CDH23: variants seen among roughly 807,000 people sequenced by gnomAD.
CDH23 encodes the protein cadherin-23.
In CDH23, 189 loss-of-function variants were observed where a neutral mutation model predicts 317.1. The observed-to-expected ratio is 0.60, with a 90% confidence interval of 0.53 to 0.67. The LOEUF (loss-of-function observed/expected upper bound fraction) is 0.67. CDH23 is among the 30% of genes least tolerant of loss of function. CDH23 has a pLI of 0.00. For missense variants in CDH23, 4,401 were observed against 4,592.4 expected, an observed-to-expected ratio of 0.96 and a Z score of 1.20; for synonymous variants, 1,839 against 1,876.8, an observed-to-expected ratio of 0.98 and a Z score of 0.52.
Position 71,800,722 on chromosome 10 carries a change from T to C in CDH23, c.7449T>C (p.Asp2483=), listed in dbSNP as rs745897380. 2 of 1,613,980 alleles carry C rather than the reference T, an allele frequency of 1.2e-6. No individual in the cohort carries two copies. Among genetic ancestry groups the C allele is most frequent in the East Asian group, 2.2e-5 (1 of 44,882 alleles). Residue 2483 remains aspartate, a synonymous_variant, in exon 53 of 70, where the codon GAT becomes GAC. Transcript: ENST00000224721. The part of the protein sequence containing the change: ...LTALAKDNPG[D]VASNRRENSV... ...CCTTGGCCAAAGACAACCCTGGGGATGTAGCCAGCAACCGTCGCGAAAATT... is the reference window on the plus strand; with the variant it reads ...CCTTGGCCAAAGACAACCCTGGGGACGTAGCCAGCAACCGTCGCGAAAATT...
chr10:71,605,202 A>G (rs1860459661), intron 9 of CDH23, among the ~76,000 whole-genome samples: 2 of 152,142 alleles, frequency 1.3e-5, no homozygotes, highest in South Asian at 4.1e-4. Context: ...AGGAAGTTGT[A>G]GAACTTTGGG....
At chr10:71,775,213 C>T (rs1486197780) in intron 38 of CDH23, among the ~76,000 whole-genome samples, 1 of 152,142 alleles carries the variant, frequency 6.6e-6, no homozygotes, top group Non-Finnish European at 1.5e-5. Context: ...CCCTTCTCAC[C>T]CTGACATCCT....
At position 71,806,222 on chromosome 10, in the gene CDH23, C is replaced by T. The variant is rs781575850; in HGVS notation, c.8119C>T (p.Pro2707Ser). The T allele has an allele frequency of 2.5e-6, 4 of 1,579,320 alleles. No homozygotes were observed. In the African/African-American group the frequency reaches 5.4e-5, roughly 21 times the overall value. The change falls in exon 57 of 70, where the codon CCG (proline) becomes TCG (serine). Residue 2707 changes from proline (P) to serine (S), a missense_variant. Physicochemically the swap from Pro to Ser is moderately conservative, Grantham distance 74 (BLOSUM62 -1). Transcript: ENST00000224721. ...GQPVPYETMQ[P>S]LQVALEDIDD... ...GCCAGTGCCATACGAGACTATGCAG[C>T]CGCTGCAGGTGGCCCTGGAGGACAT...
chr10:71,417,966 A>G (rs543041089), intron 1 of CDH23, among the ~76,000 whole-genome samples: 2 of 152,358 alleles, frequency 1.3e-5, no homozygotes, highest in Non-Finnish European at 2.9e-5. Flanking sequence ...CTTCAACTGT[A>G]TCTAATTCAC....
intron 3 of CDH23, among the ~76,000 whole-genome samples, chr10:71,500,704 G>C (rs1853243020): frequency 6.6e-6 from 1 of 152,148 alleles, no homozygotes; most frequent in Non-Finnish European, 1.5e-5. Flanking sequence ...AGAAAGACTT[G>C]GGTTGGACTC....
At position 71,677,523 on chromosome 10, in the gene CDH23, C is replaced by A. The variant is rs774145890; in HGVS notation, c.1582C>A (p.Arg528Ser). 5 of 1,612,180 alleles carry A rather than the reference C, an allele frequency of 3.1e-6. No homozygotes were observed. Among genetic ancestry groups the A allele is most frequent in the Admixed American group, 3.3e-5 (2 of 59,784 alleles). The change falls in exon 16 of 70, where the codon CGC (arginine) becomes AGC (serine). Residue 528 changes from arginine (R) to serine (S), a missense_variant. Arg to Ser is a moderately radical substitution (Grantham distance 110, BLOSUM62 -1). Transcript: ENST00000224721. ...CAGGCTGGACTATGAGCTCATCCAG[C>A]GCTTCACCCTGACGATCATTGCCCG... ...IARLDYELIQRFTLTIIARDG... is the reference protein window; with the variant it reads ...IARLDYELIQSFTLTIIARDG...
chr10:71,787,319 A>ATTTT (rs34939679), intron 44 of CDH23, among the ~76,000 whole-genome samples: 5 of 126,386 alleles, frequency 4.0e-5, no homozygotes, highest in Admixed American at 8.0e-5. Context: ...CGCTTTTCAG[A>ATTTT]TTTTTTTTTT....
intron 1 of CDH23, among the ~76,000 whole-genome samples, chr10:71,438,211 C>T (rs1417084692): frequency 3.0e-5 from 4 of 134,140 alleles, no homozygotes; most frequent in Non-Finnish European, 3.2e-5. Context: ...AGCGTGGTGG[C>T]ACGCACCTGT....
intron 1 of CDH23, among the ~76,000 whole-genome samples, chr10:71,418,009 A>G (rs1056891689): frequency 2.1e-4 from 32 of 152,192 alleles, no homozygotes; most frequent in African/African-American, 7.2e-4. Context: ...CCTGATTCTA[A>G]TTATTATATT....
intron 44 of CDH23, among the ~76,000 whole-genome samples, chr10:71,787,018 T>C (rs1445690408): frequency 6.6e-6 from 1 of 152,176 alleles, no homozygotes; most frequent in African/African-American, 2.4e-5. Flanking sequence ...GTGGTGACAG[T>C]GCACAGGGGT....
chr10:71,800,014 A>G (rs962773385), intron 52 of CDH23, among the ~76,000 whole-genome samples: 1 of 152,248 alleles, frequency 6.6e-6, no homozygotes, highest in Admixed American at 6.5e-5. Flanking sequence ...CCTACTGTAT[A>G]CATGGCCCTA....
At chr10:71,461,743 C>T (rs910191673) in intron 3 of CDH23, among the ~76,000 whole-genome samples, 33 of 152,364 alleles carry the variant, frequency 2.2e-4, no homozygotes, top group Middle Eastern at 6.8e-3. Flanking sequence ...AGGCCACCCT[C>T]ACCCCCACTT....
At chr10:71,510,048 AT>A (rs1205286848) in intron 3 of CDH23, 33 bp from the exon 4 acceptor site, 1 of 1,613,634 alleles carries the variant, frequency 6.2e-7, no homozygotes, top group Non-Finnish European at 8.5e-7. Context: ...GACCTCTCTT[AT>A]TTTCCCTCTG....
intron 44 of CDH23, 127 bp from the exon 45 acceptor site, chr10:71,788,813 G>C (rs1262780004): frequency 1.3e-5 from 8 of 636,156 alleles, no homozygotes; most frequent in Non-Finnish European, 2.3e-5. Flanking sequence ...GTGAGTTCAT[G>C]TTGGTGTGGG....
chr10:71,702,301 CAGG>C, intron 23 of CDH23, 90 bp downstream of exon 23: 1 of 1,414,426 alleles, frequency 7.1e-7, no homozygotes, highest in Non-Finnish European at 9.8e-7. Flanking sequence ...GGGGCCCACC[CAGG>C]AGGTCTATGT....
intron 24 of CDH23, among the ~76,000 whole-genome samples, chr10:71,704,300 G>C (rs1356621380): frequency 2.0e-5 from 3 of 152,176 alleles, no homozygotes; most frequent in African/African-American, 7.2e-5. Flanking sequence ...CCAGGGTCTT[G>C]AGTCGGGCAA....
chr10:71,808,153 C>T, intron 60 of CDH23, 146 bp downstream of exon 60: 1 of 956,554 alleles, frequency 1.0e-6, no homozygotes. Context: ...ATTCATCCAC[C>T]TATTCAGCAA....
intron 14 of CDH23, 140 bp downstream of exon 14, chr10:71,646,757 A>G (rs769868139): frequency 6.3e-7 from 1 of 1,598,934 alleles, no homozygotes. Context: ...TTGTTGGTGT[A>G]TTAAATAAAG....
chr10:71,695,960 A>G (rs1865373634), intron 22 of CDH23, among the ~76,000 whole-genome samples: 1 of 152,064 alleles, frequency 6.6e-6, no homozygotes, highest in South Asian at 2.1e-4. Flanking sequence ...CACCTCCCCC[A>G]CGGGCTGGCC....
Sources: gnomAD v4.1 joint callset for allele counts (sites outside exome capture counted in the v4.1 genomes callset) on GRCh38, gnomAD v4.1.1 for gene constraint, MANE v1.5 for transcripts, NCBI Gene and HGNC (gene_info 2026-07-23, HGNC 2026-07-21) for gene names.